Variants in UNC5D observed in about 807,000 individuals in gnomAD.
UNC5D encodes the protein netrin receptor UNC5D.
Under a neutral mutation model 105.4 loss-of-function variants are expected in UNC5D, and 39 were observed. The ratio of observed to expected loss-of-function variants is 0.37; its 90% CI spans 0.29 to 0.48. The LOEUF is 0.48. UNC5D is among the 20% of genes least tolerant of loss of function. UNC5D has a pLI of 0.98. For missense variants in UNC5D, 991 were observed against 1,202.4 expected, an observed-to-expected ratio of 0.82 and a Z score of 2.60; for synonymous variants, 452 against 450.4, an observed-to-expected ratio of 1.00 and a Z score of -0.04.
intron 1 of UNC5D, among the ~76,000 whole-genome samples, chr8:35,386,833 A>G (rs1803427797): frequency 6.6e-6 from 1 of 152,214 alleles, no homozygotes; most frequent in Non-Finnish European, 1.5e-5. Flanking sequence ...GCTGTGGTAG[A>G]AAATGCTATA....
chr8:35,576,815 A>G (rs1818122090), intron 3 of UNC5D, among the ~76,000 whole-genome samples: 1 of 152,010 alleles, frequency 6.6e-6, no homozygotes, highest in African/African-American at 2.4e-5. Flanking sequence ...GGGTTTCACT[A>G]TGTTATCCAG....
chr8:35,730,020 C>T (rs1169499831), intron 10 of UNC5D, among the ~76,000 whole-genome samples: 1 of 152,180 alleles, frequency 6.6e-6, no homozygotes, highest in Non-Finnish European at 1.5e-5. Context: ...TTATCATCAG[C>T]AACCTGAAAC....
intron 12 of UNC5D, among the ~76,000 whole-genome samples, chr8:35,749,466 C>A (rs561971517): frequency 6.6e-6 from 1 of 152,310 alleles, no homozygotes; most frequent in East Asian, 1.9e-4. Context: ...GCCCTAGGGT[C>A]TTCCTCCCAG....
intron 16 of UNC5D, among the ~76,000 whole-genome samples, chr8:35,785,883 T>C (rs1035679429): frequency 3.3e-5 from 5 of 152,140 alleles, no homozygotes; most frequent in African/African-American, 9.7e-5. Context: ...CAGTTCCTCA[T>C]TGGCCAAGTA....
chr8:35,762,858 T>C (rs1374070636), intron 14 of UNC5D, among the ~76,000 whole-genome samples: 2 of 152,202 alleles, frequency 1.3e-5, no homozygotes, highest in African/African-American at 4.8e-5. Flanking sequence ...GCATGCTATG[T>C]ATCTTGGAGA....
At chr8:35,594,972 G>A (rs545510936) in intron 3 of UNC5D, among the ~76,000 whole-genome samples, 10 of 152,334 alleles carry the variant, frequency 6.6e-5, no homozygotes, top group African/African-American at 1.7e-4. Flanking sequence ...ACTGGAGGGC[G>A]TTGTGTTTTG....
rs1209296005 is a variant in UNC5D at position 35,796,094 on chromosome 8, T to G, written c.*5531T>G. 1 of 152,148 alleles carries G rather than the reference T, an allele frequency of 6.6e-6. No individual in the cohort carries two copies. The highest frequency in any genetic ancestry group is 1.5e-5 in the Non-Finnish European group (1 of 68,028). The allele number at this position is 152,148 out of a possible 1,614,324, so 9.4% of individuals were successfully genotyped here. A position where few individuals can be genotyped will look rare whatever the true frequency, so the allele number is the denominator to read the frequency against. On this transcript the variant is annotated 3_prime_UTR_variant, in exon 17 of 17. Transcript: ENST00000404895. ...ACCCATACCACTCTCAACTTTTATT[T>G]GATGTGTTCAAAGCCAAAAAATAAA...
At chr8:35,489,168 C>T (rs977777434) in intron 1 of UNC5D, among the ~76,000 whole-genome samples, 13 of 151,920 alleles carry the variant, frequency 8.6e-5, no homozygotes, top group Non-Finnish European at 1.6e-4. Context: ...TGCCACATCC[C>T]GGCTAATTGT....
chr8:35,598,384 T>A (rs1163229867), intron 4 of UNC5D, among the ~76,000 whole-genome samples: 1 of 152,068 alleles, frequency 6.6e-6, no homozygotes, highest in African/African-American at 2.4e-5. Context: ...TTCAGAAAGG[T>A]GAAAGATTTT....
At chr8:35,422,891 T>C (rs896545829) in intron 1 of UNC5D, among the ~76,000 whole-genome samples, 8 of 152,140 alleles carry the variant, frequency 5.3e-5, no homozygotes, top group Non-Finnish European at 7.3e-5. Flanking sequence ...TTACAGTAAT[T>C]AAAGTGGTCA....
intron 1 of UNC5D, among the ~76,000 whole-genome samples, chr8:35,547,795 T>C (rs1815809420): frequency 6.6e-6 from 1 of 152,088 alleles, no homozygotes; most frequent in Non-Finnish European, 1.5e-5. Flanking sequence ...GTGAGTGCAT[T>C]AGTCAGGGTT....
intron 1 of UNC5D, among the ~76,000 whole-genome samples, chr8:35,474,555 A>G (rs1809953978): frequency 6.6e-6 from 1 of 152,170 alleles, no homozygotes; most frequent in Non-Finnish European, 1.5e-5. Flanking sequence ...AATATTCCAT[A>G]AACTTCTCTA....
chr8:35,758,026 C>T (rs1017654732), intron 13 of UNC5D, among the ~76,000 whole-genome samples: 3 of 152,182 alleles, frequency 2.0e-5, no homozygotes, highest in Non-Finnish European at 4.4e-5. Flanking sequence ...TAATGGACCA[C>T]ACAGAGATAG....
chr8:35,305,212 G>A (rs1051528476), intron 1 of UNC5D, among the ~76,000 whole-genome samples: 2 of 152,098 alleles, frequency 1.3e-5, no homozygotes, highest in Non-Finnish European at 2.9e-5. Flanking sequence ...ATGGATAGAC[G>A]TAAGTGACAA....
At chr8:35,428,373 A>G (rs1193518242) in intron 1 of UNC5D, among the ~76,000 whole-genome samples, 3 of 111,336 alleles carry the variant, frequency 2.7e-5, no homozygotes, top group African/African-American at 7.8e-5. Flanking sequence ...TTTTTTTGAG[A>G]CAGGGTTTCA....
chr8:35,709,814 C>CA (rs1424032313), intron 8 of UNC5D, among the ~76,000 whole-genome samples: 1 of 152,130 alleles, frequency 6.6e-6, no homozygotes, highest in Non-Finnish European at 1.5e-5. Flanking sequence ...CAGCAGGACA[C>CA]AAATGCTATG....
In UNC5D at chr8:35,756,255, G is replaced by A. The variant is rs549354031; in HGVS notation, c.2164-3065G>A. Among the ~76,000 whole-genome samples the A allele has an allele frequency of 2.0e-5, 3 of 152,166 alleles. No individual in the cohort carries two copies. In the South Asian group the frequency reaches 6.2e-4, roughly 32 times the overall value. On this transcript the variant is annotated intron_variant, in intron 13 of 16. Coordinates refer to ENST00000404895, the MANE Select transcript of UNC5D (RefSeq NM_080872.4). ...ATTGTATATTGTTGGCTCAATATGC[G>A]CAGATTTAAGGAGTAAGCGAAAAGA...
At chr8:35,784,043 T>C (rs1258377329) in intron 16 of UNC5D, among the ~76,000 whole-genome samples, 2 of 152,152 alleles carry the variant, frequency 1.3e-5, no homozygotes. Context: ...ATGTCTAGCA[T>C]AGGCCAACTG....
At chr8:35,261,521 T>C (rs532759329) in intron 1 of UNC5D, among the ~76,000 whole-genome samples, 1 of 152,200 alleles carries the variant, frequency 6.6e-6, no homozygotes, top group African/African-American at 2.4e-5. Flanking sequence ...AGCAGTTTAT[T>C]ATGCTAGAGC....
Sources: gnomAD v4.1 joint callset for allele counts (sites outside exome capture counted in the v4.1 genomes callset) on GRCh38, gnomAD v4.1.1 for gene constraint, MANE v1.5 for transcripts, NCBI Gene and HGNC (gene_info 2026-07-23, HGNC 2026-07-21) for gene names.